The following TIAM1 variants were observed in gnomAD, a reference collection of about 807,000 sequenced individuals.
TIAM1 encodes the protein rho guanine nucleotide exchange factor TIAM1.
A neutral mutation model predicts 163.5 loss-of-function variants in TIAM1; 65 were observed. That is an observed-to-expected ratio of 0.40 (90% CI 0.33 to 0.49). The LOEUF (loss-of-function observed/expected upper bound fraction) is 0.49. TIAM1 is among the 20% of genes least tolerant of loss of function. The pLI, the probability that TIAM1 is intolerant of heterozygous loss-of-function variation, is 0.77. For synonymous variants in TIAM1, 833 were observed against 810.1 expected, an observed-to-expected ratio of 1.03 and a Z score of -0.48; for missense variants, 1,789 against 2,044.7, an observed-to-expected ratio of 0.87 and a Z score of 2.41.
intron 2 of TIAM1, among the ~76,000 whole-genome samples, chr21:31,376,324 C>T (rs2076686302): frequency 6.6e-6 from 1 of 152,262 alleles, no homozygotes; most frequent in South Asian, 2.1e-4. Flanking sequence ...ACATGATTCT[C>T]CCCAAACCAT....
chr21:31,297,079 C>T (rs887856329), intron 2 of TIAM1, among the ~76,000 whole-genome samples: 1 of 152,208 alleles, frequency 6.6e-6, no homozygotes, highest in Non-Finnish European at 1.5e-5. Flanking sequence ...GATACATGCA[C>T]CCTTCCAACT....
chr21:31,165,362 G>T (rs1218547331), intron 15 of TIAM1, among the ~76,000 whole-genome samples: 3 of 152,184 alleles, frequency 2.0e-5, no homozygotes, highest in Admixed American at 2.0e-4. Context: ...TGTAATAGTA[G>T]TTAGAAGAGG....
At chr21:31,452,898 C>A in intron 2 of TIAM1, 1 of 516,692 alleles carries the variant, frequency 1.9e-6, no homozygotes, top group Non-Finnish European at 3.9e-6. Flanking sequence ...TGACGATGTC[C>A]TGAAGACAGG....
At chr21:31,553,133 T>C (rs1192990117) in intron 1 of TIAM1, among the ~76,000 whole-genome samples, 1 of 152,208 alleles carries the variant, frequency 6.6e-6, no homozygotes, top group African/African-American at 2.4e-5. Context: ...CACAGGATTC[T>C]GAGAGACCAA....
intron 2 of TIAM1, among the ~76,000 whole-genome samples, chr21:31,297,246 C>T (rs2074312319): frequency 6.6e-6 from 1 of 152,104 alleles, no homozygotes; most frequent in African/African-American, 2.4e-5. Flanking sequence ...TGTATGATTC[C>T]ACTAATGCGG....
intron 2 of TIAM1, among the ~76,000 whole-genome samples, chr21:31,385,113 G>C (rs1352031370): frequency 2.6e-5 from 4 of 152,130 alleles, no homozygotes; most frequent in East Asian, 1.9e-4. Context: ...TCAGGCTGGA[G>C]TGCAATGGCG....
chr21:31,280,523 T>C (rs775358853), intron 2 of TIAM1, among the ~76,000 whole-genome samples: 14 of 151,966 alleles, frequency 9.2e-5, no homozygotes, highest in Non-Finnish European at 2.1e-4. Context: ...AGGATGAAAA[T>C]GGACTAATAC....
At chr21:31,176,777 A>G (rs1193823389) in intron 15 of TIAM1, among the ~76,000 whole-genome samples, 3 of 152,046 alleles carry the variant, frequency 2.0e-5, no homozygotes, top group Non-Finnish European at 2.9e-5. Flanking sequence ...AAGGACAGGG[A>G]GCAGTAACCA....
intron 2 of TIAM1, among the ~76,000 whole-genome samples, chr21:31,370,727 C>T (rs1313441190): frequency 6.6e-6 from 1 of 152,090 alleles, no homozygotes; most frequent in Non-Finnish European, 1.5e-5. Flanking sequence ...TGTGTGTGGC[C>T]TGCAGACATA....
intron 13 of TIAM1, among the ~76,000 whole-genome samples, chr21:31,194,654 T>C (rs1221667668): frequency 1.3e-5 from 2 of 152,158 alleles, no homozygotes; most frequent in African/African-American, 4.8e-5. Flanking sequence ...AGGAAGCAAG[T>C]AGATCCCCAA....
Position 31,225,937 on chromosome 21 carries a change from G to A in TIAM1, c.1598C>T (p.Thr533Met), listed in dbSNP as rs770550744. Reference sequence around the variant, plus strand: ...GGCGGTGATCCAGTTTTCAAGCTCCGTCTGGCTAGTGGTCTGTACCAGGAA... The same window carrying A: ...GGCGGTGATCCAGTTTTCAAGCTCCATCTGGCTAGTGGTCTGTACCAGGAA... ...DAFLFQTTSQ[T>M]ELENWITAIH... is the part of the protein sequence containing the mutation. The change falls in exon 7 of 28, where the codon ACG becomes ATG. Residue 533 changes from threonine (T) to methionine (M), a missense_variant. Thr to Met is a moderately conservative substitution (Grantham distance 81). Around this residue, in one of 5 missense-constraint regions of TIAM1, gnomAD observed 456 missense variants for 586.6 expected, o/e 0.78. Transcript: ENST00000541036. 16 of 1,613,958 alleles carry A rather than the reference G, an allele frequency of 9.9e-6. No homozygotes were observed. Among genetic ancestry groups the A allele is most frequent in the East Asian group, 2.2e-5 (1 of 44,880 alleles).
chr21:31,171,461 TCTAA>T (rs1403282563), intron 15 of TIAM1, among the ~76,000 whole-genome samples: 4 of 152,176 alleles, frequency 2.6e-5, no homozygotes, highest in Non-Finnish European at 4.4e-5. Context: ...CTTCAATACA[TCTAA>T]CTAACAAAAT....
intron 1 of TIAM1, among the ~76,000 whole-genome samples, chr21:31,515,035 C>T (rs1327054128): frequency 1.3e-5 from 2 of 152,226 alleles, no homozygotes; most frequent in African/African-American, 2.4e-5. Flanking sequence ...TTGCCTGGTT[C>T]GGTGACTCTT....
intron 1 of TIAM1, among the ~76,000 whole-genome samples, chr21:31,539,411 G>A (rs1169626752): frequency 6.6e-6 from 1 of 150,836 alleles, no homozygotes; most frequent in East Asian, 1.9e-4. Flanking sequence ...GACTACAGGC[G>A]CCCACCACCA....
chr21:31,210,499 AAAAG>A lies in TIAM1; in HGVS notation c.2218-288_2218-285del, dbSNP rs557631643. On this transcript the variant is annotated intron_variant, in intron 10 of 27. Transcript: ENST00000541036. ...ATGAGTGGGCATCAAAATTTGGAAG[AAAAG>A]AAAGAAAGAGAGAGAGATAGGGAAG... 3.2e-4 allele frequency among the ~76,000 whole-genome samples: 47 copies of A among 146,542 alleles called. 2 individuals carry two copies. Among genetic ancestry groups the A allele is most frequent in the South Asian group, 2.9e-3 (13 of 4,556 alleles).
At chr21:31,338,296 CCTGTGATT>C (rs2075909955) in intron 2 of TIAM1, among the ~76,000 whole-genome samples, 1 of 152,162 alleles carries the variant, frequency 6.6e-6, no homozygotes, top group South Asian at 2.1e-4. Context: ...TCAGGAAGCA[CCTGTGATT>C]CTTGCCCTCT....
chr21:31,355,801 C>A (rs2076307886), intron 2 of TIAM1, among the ~76,000 whole-genome samples: 1 of 145,122 alleles, frequency 6.9e-6, no homozygotes, highest in Non-Finnish European at 1.5e-5. Context: ...ATCTGCCCGC[C>A]TCGGCTTCCC....
chr21:31,190,087 A>G (rs2085481678), intron 13 of TIAM1, among the ~76,000 whole-genome samples: 1 of 152,166 alleles, frequency 6.6e-6, no homozygotes, highest in African/African-American at 2.4e-5. Flanking sequence ...GATCAGGAGA[A>G]CGAAGGAAGT....
At chr21:31,261,574 G>A (rs1019440260) in intron 4 of TIAM1, among the ~76,000 whole-genome samples, 7 of 152,034 alleles carry the variant, frequency 4.6e-5, no homozygotes, top group African/African-American at 9.7e-5. Flanking sequence ...TTAGCCAGGC[G>A]CCGTGGTGCA....
Sources: allele counts gnomAD v4.1 joint callset (sites outside exome capture counted in the v4.1 genomes callset), GRCh38; gene constraint gnomAD v4.1.1; regional missense constraint gnomAD v4.1.1; transcripts MANE v1.5; gene names NCBI Gene and HGNC (gene_info 2026-07-23, HGNC 2026-07-21).